The following SH3PXD2B variants were observed in gnomAD, a reference collection of about 807,000 sequenced individuals.
SH3PXD2B encodes the protein SH3 and PX domains 2B.
A neutral mutation model predicts 73.1 loss-of-function variants in SH3PXD2B; 37 were observed. That is an observed-to-expected ratio of 0.51 (90% CI 0.39 to 0.67). The LOEUF (loss-of-function observed/expected upper bound fraction) is 0.67, where lower values mean the gene tolerates loss of function less well. SH3PXD2B is among the 30% of genes least tolerant of loss of function. The probability of loss-of-function intolerance (pLI) is 0.00; values close to 1 mark genes in which losing one functional copy is unlikely to be tolerated. For synonymous variants in SH3PXD2B, 457 were observed against 480.5 expected, an observed-to-expected ratio of 0.95 and a Z score of 0.64; for missense variants, 1,053 against 1,197.8, an observed-to-expected ratio of 0.88 and a Z score of 1.78.
chr5:172,410,486 C>T (rs987655427), intron 2 of SH3PXD2B, among the ~76,000 whole-genome samples: 1 of 152,234 alleles, frequency 6.6e-6, no homozygotes, highest in Non-Finnish European at 1.5e-5. Context: ...ATAGTAGATG[C>T]TCAATAAAAA....
intron 5 of SH3PXD2B, among the ~76,000 whole-genome samples, chr5:172,379,608 A>G (rs1427413946): frequency 1.3e-5 from 2 of 152,228 alleles, no homozygotes; most frequent in African/African-American, 4.8e-5. Flanking sequence ...CTTAAGAGAC[A>G]GCGCTGGAAT....
Position 172,393,130 on chromosome 5 carries a change from T to C in SH3PXD2B, c.309+1433A>G, listed in dbSNP as rs543827161. Among the ~76,000 whole-genome samples, 9 of 152,360 alleles carry C rather than the reference T, an allele frequency of 5.9e-5. No individual in the cohort carries two copies. In the South Asian group the frequency reaches 1.9e-3, roughly 32 times the overall value. On this transcript the variant is annotated intron_variant, in intron 4 of 12. Transcript: ENST00000311601. ...ATAGAAAAGATTTTGACAGGGATTG[T>C]ATTGAATATGTAGATTCATTCTGGG...
chr5:172,334,584 C>T lies in SH3PXD2B; in HGVS notation c.*3785G>A, dbSNP rs995702070. 79 of 985,386 alleles carry T rather than the reference C, an allele frequency of 8.0e-5. No homozygotes were observed. The Middle Eastern group carries it at 1.5e-3, about 19-fold the overall frequency. 61.0% of individuals were successfully genotyped at this position (985,386 alleles called of 1,614,324 possible). A position where few individuals can be genotyped will look rare whatever the true frequency, so the allele number is the denominator to read the frequency against. On this transcript the variant is annotated 3_prime_UTR_variant, in exon 13 of 13. Transcript: ENST00000311601. ...CTGTCACAGTCCAAAGAGAAAGGTACGGCCTCCAAGGGGGCAGCTTAAGCC... is the reference window on the plus strand; with the variant it reads ...CTGTCACAGTCCAAAGAGAAAGGTATGGCCTCCAAGGGGGCAGCTTAAGCC...
chr5:172,345,753 G>A (rs1756982917), intron 12 of SH3PXD2B, among the ~76,000 whole-genome samples: 1 of 152,174 alleles, frequency 6.6e-6, no homozygotes, highest in Admixed American at 6.5e-5. Context: ...AAGGCATACA[G>A]CCAGTCACAC....
At chr5:172,362,697 G>A (rs1338411315) in intron 7 of SH3PXD2B, 38 bp downstream of exon 7, 2 of 1,613,844 alleles carry the variant, frequency 1.2e-6, no homozygotes, top group Non-Finnish European at 1.7e-6. Flanking sequence ...GGGCTTGGTG[G>A]CAGGGTAGTG....
At chr5:172,352,235 T>G (rs1757172884) in intron 9 of SH3PXD2B, among the ~76,000 whole-genome samples, 1 of 152,200 alleles carries the variant, frequency 6.6e-6, no homozygotes, top group Non-Finnish European at 1.5e-5. Flanking sequence ...AAAACTAATG[T>G]CTTTAAATTT....
intron 4 of SH3PXD2B, among the ~76,000 whole-genome samples, chr5:172,386,964 A>G (rs1758073302): frequency 1.3e-5 from 2 of 152,166 alleles, no homozygotes; most frequent in African/African-American, 4.8e-5. Flanking sequence ...TCGAAGACAT[A>G]TTGTTTTCAG....
In SH3PXD2B at chr5:172,346,269, G is replaced by T. The variant is rs76931006; in HGVS notation, c.1063-8C>A. 1.2e-6 allele frequency: 2 copies of T among 1,613,504 alleles called. No homozygotes were observed. The highest frequency in any genetic ancestry group is 1.7e-6 in the Non-Finnish European group (2 of 1,179,914). On this transcript the variant is annotated splice_polypyrimidine_tract_variant and splice_region_variant and intron_variant, in intron 11 of 12. Coordinates refer to ENST00000311601, the MANE Select transcript of SH3PXD2B (RefSeq NM_001017995.3). ...CAGGTTGAGGCCTCGAGGCTGGTAC[G>T]ATCACACACAGGGTTATCTCCAAGG...
At position 172,348,673 on chromosome 5, in the gene SH3PXD2B, A is replaced by G. The variant is rs1165516575; in HGVS notation, c.1013-1341T>C. On this transcript the variant is annotated intron_variant, in intron 10 of 12. Transcript: ENST00000311601. ...ATCTATCCTATCTATCTATCTATCTATCTATCTATCTATCTATCTATCTAT... is the reference window on the plus strand; with the variant it reads ...ATCTATCCTATCTATCTATCTATCTGTCTATCTATCTATCTATCTATCTAT... 1.4e-3 allele frequency among the ~76,000 whole-genome samples: 111 copies of G among 79,446 alleles called. 1 individual carries two copies. The highest frequency in any genetic ancestry group is 4.6e-3 in the African/African-American group (109 of 23,802). The allele number at this position is 79,446 out of a possible 152,430, so 52.1% of individuals were successfully genotyped here. A position where few individuals can be genotyped will look rare whatever the true frequency, so the allele number is the denominator to read the frequency against.
At chr5:172,400,022 C>G (rs1031490396) in intron 3 of SH3PXD2B, among the ~76,000 whole-genome samples, 10 of 152,142 alleles carry the variant, frequency 6.6e-5, no homozygotes, top group African/African-American at 2.4e-4. Context: ...GATAAATACC[C>G]CCCTCTGTGC....
intron 1 of SH3PXD2B, among the ~76,000 whole-genome samples, chr5:172,439,243 A>AAC (rs1561583235): frequency 8.8e-5 from 8 of 90,918 alleles, no homozygotes; most frequent in African/African-American, 3.9e-4. Flanking sequence ...AAACAGAAAA[A>AAC]AAAAAAAGAA....
At chr5:172,400,020 C>A (rs1758391188) in intron 3 of SH3PXD2B, among the ~76,000 whole-genome samples, 1 of 152,128 alleles carries the variant, frequency 6.6e-6, no homozygotes, top group Non-Finnish European at 1.5e-5. Flanking sequence ...GTGATAAATA[C>A]CCCCCTCTGT....
intron 7 of SH3PXD2B, among the ~76,000 whole-genome samples, chr5:172,361,901 G>C (rs1049256804): frequency 1.8e-4 from 27 of 152,166 alleles, no homozygotes; most frequent in African/African-American, 5.8e-4. Flanking sequence ...GGCTGTCACA[G>C]AGACTGACCC....
rs552847063 is a variant in SH3PXD2B, at chr5:172,373,653, C to A, written c.427+137G>T. 7.3e-5 allele frequency: 70 copies of A among 961,332 alleles called. 1 individual carries two copies. In the East Asian group the frequency reaches 1.8e-3, roughly 25 times the overall value. 59.6% of individuals were successfully genotyped at this position (961,332 alleles called of 1,614,324 possible). The stretch of plus-strand genomic sequence containing the variant: ...CAGTTCAGCCACCCCTCCTTCCCTT[C>A]CCTCCCTCCTGCCAACCATCCACCC... On this transcript the variant is annotated intron_variant, in intron 6 of 12. Coordinates refer to ENST00000311601, the MANE Select transcript of SH3PXD2B (RefSeq NM_001017995.3).
intron 4 of SH3PXD2B, among the ~76,000 whole-genome samples, chr5:172,388,082 C>G (rs1307623982): frequency 2.6e-5 from 4 of 152,224 alleles, no homozygotes; most frequent in African/African-American, 9.6e-5. Flanking sequence ...TCCAAATACA[C>G]ATGGATCTGT....
chr5:172,399,834 A>C (rs1758387727), intron 3 of SH3PXD2B, among the ~76,000 whole-genome samples: 1 of 152,132 alleles, frequency 6.6e-6, no homozygotes, highest in African/African-American at 2.4e-5. Context: ...TACCTGCTAC[A>C]CAAAATTATT....
rs1239156081 is a variant in SH3PXD2B at position 172,358,758 on chromosome 5, C to T, written c.667+15G>A. The stretch of plus-strand genomic sequence containing the variant: ...AGGTCCTCCCCAGTGAGCAGAGGCT[C>T]GAGCTCCTCCCTACCTTCTTCAGGC... On this transcript the variant is annotated intron_variant, in intron 8 of 12. Coordinates refer to ENST00000311601, the MANE Select transcript of SH3PXD2B (RefSeq NM_001017995.3). 6.2e-6 allele frequency: 10 copies of T among 1,604,776 alleles called. No homozygotes were observed. The highest frequency in any genetic ancestry group is 3.4e-5 in the Admixed American group (2 of 59,092).
downstream of SH3PXD2B, among the ~76,000 whole-genome samples, chr5:172,329,702 T>C (rs561624290): frequency 8.2e-4 from 125 of 152,130 alleles, no homozygotes; most frequent in Admixed American, 1.2e-3. Context: ...CACGCCCGGC[T>C]AATTTTTTGT....
intron 2 of SH3PXD2B, among the ~76,000 whole-genome samples, chr5:172,412,694 G>T (rs1204042989): frequency 6.6e-6 from 1 of 152,178 alleles, no homozygotes. Flanking sequence ...GCATCCAAAG[G>T]CCTTGAAGTA....
Sources: gnomAD v4.1 joint callset for allele counts (sites outside exome capture counted in the v4.1 genomes callset) on GRCh38, gnomAD v4.1.1 for gene constraint, MANE v1.5 for transcripts, NCBI Gene and HGNC (gene_info 2026-07-23, HGNC 2026-07-21) for gene names.